Variants in EDEM1 observed in about 807,000 individuals in gnomAD.
EDEM1 encodes ER degradation-enhancing alpha-mannosidase-like protein 1.
A neutral mutation model predicts 74.4 loss-of-function variants in EDEM1; 67 were observed. The observed-to-expected ratio is 0.90, with a 90% CI of 0.74 to 1.10. The LOEUF (loss-of-function observed/expected upper bound fraction) is 1.10. EDEM1 is among the 50% of genes least tolerant of loss of function. The pLI is 0.00. For synonymous variants in EDEM1, 382 were observed against 335.9 expected, an observed-to-expected ratio of 1.14 and a Z score of -1.50; for missense variants, 926 against 851.6, an observed-to-expected ratio of 1.09 and a Z score of -1.09.
intron 11 of EDEM1, among the ~76,000 whole-genome samples, chr3:5,215,430 G>A (rs56205051): frequency 6.6e-6 from 1 of 152,158 alleles, no homozygotes; most frequent in African/African-American, 2.4e-5. Flanking sequence ...GGCGGACTAA[G>A]GACCCCAGGG....
rs1291549275 is a variant in EDEM1 at position 5,203,029 on chromosome 3, T to G, written c.922T>G (p.Ser308Ala). The change falls in exon 5 of 12, where the codon TCC becomes GCC. Residue 308 changes from serine (S) to alanine (A), a missense_variant. Ser to Ala is a moderately conservative substitution (Grantham distance 99). Coordinates refer to ENST00000256497, the MANE Select transcript of EDEM1 (RefSeq NM_014674.3). ...NNETCTAGAG[S>A]LLVEFGILSR... ...TGAGACATGCACAGCGGGAGCCGGT[T>G]CCCTCCTGGTGGAATTTGGGATTCT... 1.2e-6 allele frequency: 2 copies of G among 1,613,862 alleles called. No homozygotes were observed. The highest frequency in any genetic ancestry group is 1.7e-6 in the Non-Finnish European group (2 of 1,179,932).
chr3:5,214,860 T>C (rs1007411354), intron 11 of EDEM1, among the ~76,000 whole-genome samples: 1 of 152,166 alleles, frequency 6.6e-6, no homozygotes, highest in Non-Finnish European at 1.5e-5. Context: ...CGGTTCTGGA[T>C]AGGAGCATGG....
At chr3:5,190,534 G>A (rs2054888875) in intron 1 of EDEM1, among the ~76,000 whole-genome samples, 1 of 152,238 alleles carries the variant, frequency 6.6e-6, no homozygotes, top group Non-Finnish European at 1.5e-5. Context: ...GGTATCATGT[G>A]TGCTGTTGGC....
Position 5,211,202 on chromosome 3 carries a change from A to C in EDEM1, c.1666A>C (p.Lys556Gln), listed in dbSNP as rs769499702. 1 of 1,614,132 alleles carries C rather than the reference A, an allele frequency of 6.2e-7. No individual in the cohort carries two copies. Among genetic ancestry groups the C allele is most frequent in the Non-Finnish European group, 8.5e-7 (1 of 1,179,976 alleles). ...GAGCTTCTTTCTCAGTGAGACCTGT[A>C]AATATTTGTATCTGGTATGTGTGTT... ...MESFFLSETC[K>Q]YLYLLFDEDN... The change falls in exon 10 of 12, where the codon AAA (lysine) becomes CAA (glutamine). Residue 556 changes from lysine to glutamine, a missense_variant. By Grantham distance (53) the Lys-to-Gln change is moderately conservative (BLOSUM62 1). Coordinates refer to ENST00000256497, the MANE Select transcript of EDEM1 (RefSeq NM_014674.3).
At position 5,201,635 on chromosome 3, in the gene EDEM1, T is replaced by C. The variant is rs1052278014; in HGVS notation, c.687-118T>C. The C allele has an allele frequency of 1.4e-5, 17 of 1,190,278 alleles. No individual in the cohort carries two copies. In the African/African-American group the frequency reaches 1.7e-4, roughly 12 times the overall value. The allele number at this position is 1,190,278 out of a possible 1,614,324, so 73.7% of individuals were successfully genotyped here. On this transcript the variant is annotated intron_variant, in intron 3 of 11. Transcript: ENST00000256497. Reference sequence around the variant, plus strand: ...AAGAGTCCATTAAGTCAGGTCTCTCTGACGTCAGGCAGTTCTGAGTCTATG... The same window carrying C: ...AAGAGTCCATTAAGTCAGGTCTCTCCGACGTCAGGCAGTTCTGAGTCTATG...
intron 6 of EDEM1, among the ~76,000 whole-genome samples, chr3:5,206,562 A>T (rs989999986): frequency 4.6e-5 from 7 of 152,178 alleles, no homozygotes; most frequent in Admixed American, 6.5e-5. Context: ...AGTGCAAGTT[A>T]TAGCTACTGA....
chr3:5,213,801 A>C (rs939033022), intron 11 of EDEM1, among the ~76,000 whole-genome samples: 2 of 152,164 alleles, frequency 1.3e-5, no homozygotes, highest in Non-Finnish European at 2.9e-5. Context: ...AGCACTCAGC[A>C]GGAGCCACGG....
chr3:5,204,588 C>G (rs1335356753), intron 5 of EDEM1, among the ~76,000 whole-genome samples: 1 of 152,092 alleles, frequency 6.6e-6, no homozygotes, highest in Non-Finnish European at 1.5e-5. Context: ...GACAGAGTTT[C>G]ACCATGTTGC....
At position 5,188,035 on chromosome 3, in the gene EDEM1, C is replaced by A; in HGVS notation, c.230C>A (p.Thr77Asn). ...SGPSWLQPPG[T>N]GAAQSPRKAP... is the part of the protein sequence containing the mutation. ...CCGTCGTGGCTGCAGCCGCCGGGGA[C>A]CGGGGCAGCGCAGAGCCCGCGCAAG... is the stretch of plus-strand genomic sequence containing the variant. Residue 77 changes from threonine to asparagine, a missense_variant, in exon 1 of 12, where the codon ACC (threonine) becomes AAC (asparagine). Coordinates refer to ENST00000256497, the MANE Select transcript of EDEM1 (RefSeq NM_014674.3). 1 of 1,450,690 alleles carries A rather than the reference C, an allele frequency of 6.9e-7. No individual in the cohort carries two copies. Among genetic ancestry groups the A allele is most frequent in the South Asian group, 1.4e-5 (1 of 69,632 alleles). The allele number at this position is 1,450,690 out of a possible 1,614,324, so 89.9% of individuals were successfully genotyped here.
At chr3:5,190,956 G>A (rs1017953404) in intron 1 of EDEM1, among the ~76,000 whole-genome samples, 7 of 152,054 alleles carry the variant, frequency 4.6e-5, no homozygotes, top group African/African-American at 1.7e-4. Flanking sequence ...TTTTGGCACA[G>A]GCATGCAATT....
At chr3:5,202,041 A>T (rs2055041040) in intron 4 of EDEM1, 117 bp downstream of exon 4, 1 of 1,290,964 alleles carries the variant, frequency 7.7e-7, no homozygotes, top group African/African-American at 1.5e-5. Flanking sequence ...TGAGAAAAGC[A>T]GTGTCCTTAG....
At chr3:5,213,559 G>A (rs1331282146) in intron 11 of EDEM1, 37 bp downstream of exon 11, 1 of 1,559,336 alleles carries the variant, frequency 6.4e-7, no homozygotes, top group East Asian at 2.3e-5. Context: ...TGCATATAGA[G>A]GAAGAGAAGA....
At chr3:5,189,247 C>T (rs965966841) in intron 1 of EDEM1, among the ~76,000 whole-genome samples, 1 of 152,216 alleles carries the variant, frequency 6.6e-6, no homozygotes, top group African/African-American at 2.4e-5. Flanking sequence ...AGTTGGTTTG[C>T]TCAGTGTCTT....
chr3:5,194,918 T>G (rs1456207466), intron 1 of EDEM1, among the ~76,000 whole-genome samples: 1 of 152,208 alleles, frequency 6.6e-6, no homozygotes, highest in Non-Finnish European at 1.5e-5. Context: ...TCTATGGTGA[T>G]AAACCTGAAT....
chr3:5,190,464 C>T (rs2054888116), intron 1 of EDEM1, among the ~76,000 whole-genome samples: 2 of 152,286 alleles, frequency 1.3e-5, no homozygotes, highest in East Asian at 3.9e-4. Flanking sequence ...TTCTGGAGAA[C>T]CTTAAGAATC....
At chr3:5,207,915 A>T (rs566524906) in intron 7 of EDEM1, among the ~76,000 whole-genome samples, 178 bp from the exon 8 acceptor site, 1 of 152,316 alleles carries the variant, frequency 6.6e-6, no homozygotes, top group South Asian at 2.1e-4. Flanking sequence ...ATTAGTGGCC[A>T]GATAGGGAGG....
intron 6 of EDEM1, among the ~76,000 whole-genome samples, chr3:5,205,803 C>G (rs1177534684): frequency 1.3e-5 from 2 of 152,064 alleles, no homozygotes; most frequent in Non-Finnish European, 2.9e-5. Flanking sequence ...GAATGATATA[C>G]CAATACTTCT....
intron 1 of EDEM1, chr3:5,188,563 T>G: frequency 2.5e-6 from 1 of 394,978 alleles, no homozygotes; most frequent in Non-Finnish European, 4.4e-6. Flanking sequence ...GCTGTCCAGC[T>G]CAGTGTCTTA....
At chr3:5,213,604 C>G (rs776548960) in intron 11 of EDEM1, 82 bp downstream of exon 11, 25 of 1,347,188 alleles carry the variant, frequency 1.9e-5, no homozygotes, top group African/African-American at 2.9e-5. Flanking sequence ...GACTTCCTGA[C>G]AGAAAATTGA....
Sources: allele counts gnomAD v4.1 joint callset (sites outside exome capture counted in the v4.1 genomes callset), GRCh38; gene constraint gnomAD v4.1.1; transcripts MANE v1.5; gene names NCBI Gene and HGNC (gene_info 2026-07-23, HGNC 2026-07-21).